FREM2: variants seen among roughly 807,000 people sequenced by gnomAD.
FREM2 encodes the protein FRAS1 related extracellular matrix 2.
In FREM2, 119 loss-of-function variants were observed where a neutral mutation model predicts 219.9. The observed-to-expected ratio is 0.54, with a 90% CI of 0.47 to 0.63. The LOEUF (loss-of-function observed/expected upper bound fraction) is 0.63, where lower values mean the gene tolerates loss of function less well. Among genes scored for constraint, FREM2 ranks in the 30% least tolerant of loss-of-function variants. The pLI, the probability that FREM2 is intolerant of heterozygous loss-of-function variation, is 0.00. For synonymous variants in FREM2, 1,562 were observed against 1,522.8 expected (o/e 1.03, Z -0.60); for missense variants, 4,030 against 3,993.6 (o/e 1.01, Z -0.25).
chr13:38,833,960 C>T lies in FREM2; in HGVS notation c.6020-12613C>T, dbSNP rs532478659. On this transcript the variant is annotated intron_variant, in intron 6 of 23. Coordinates refer to ENST00000280481, the MANE Select transcript of FREM2 (RefSeq NM_207361.6). ...TGAGCACAGTCCTCTTTTTGCTTATCGAGTATATTAACAGGAGAGGAAAAA... is the reference window on the plus strand; with the variant it reads ...TGAGCACAGTCCTCTTTTTGCTTATTGAGTATATTAACAGGAGAGGAAAAA... Among the ~76,000 whole-genome samples, 41 of 152,050 alleles carry T rather than the reference C, an allele frequency of 2.7e-4. No homozygotes were observed. In the South Asian group the frequency reaches 6.6e-3, roughly 25 times the overall value.
chr13:38,880,244 G>A (rs757710841), intron 23 of FREM2, 40 bp from the exon 24 acceptor site: 5 of 1,592,506 alleles, frequency 3.1e-6, no homozygotes, highest in South Asian at 1.1e-5. Context: ...GATTGACATG[G>A]TATCTAGTAT....
intron 2 of FREM2, among the ~76,000 whole-genome samples, chr13:38,757,178 A>C (rs1220793538): frequency 6.6e-6 from 1 of 152,194 alleles, no homozygotes; most frequent in Non-Finnish European, 1.5e-5. Flanking sequence ...ACTTGTGTAC[A>C]AATACCCATT....
chr13:38,843,347 C>T (rs1877031540), intron 6 of FREM2, among the ~76,000 whole-genome samples: 1 of 151,922 alleles, frequency 6.6e-6, no homozygotes, highest in African/African-American at 2.4e-5. Context: ...TTCTAGTTTA[C>T]TTCAAATTGT....
In FREM2 at chr13:38,762,448, T is replaced by C. The variant is rs1873264056; in HGVS notation, c.5264-1856T>C. Reference sequence around the variant, plus strand: ...CACAAAATTCCTGCTCTCCAATCTTTTTTTTTTTGAGACAGAGTTTCACTC... The same window carrying C: ...CACAAAATTCCTGCTCTCCAATCTTCTTTTTTTTGAGACAGAGTTTCACTC... On this transcript the variant is annotated intron_variant, in intron 2 of 23. Coordinates refer to ENST00000280481, the MANE Select transcript of FREM2 (RefSeq NM_207361.6). Among the ~76,000 whole-genome samples, 3 of 151,742 alleles carry C rather than the reference T, an allele frequency of 2.0e-5. No individual in the cohort carries two copies. The South Asian group carries it at 6.3e-4, about 32-fold the overall frequency.
chr13:38,848,538 A>G lies in FREM2; in HGVS notation c.6247A>G (p.Ile2083Val). 3 of 1,614,102 alleles carry G rather than the reference A, an allele frequency of 1.9e-6. No individual in the cohort carries two copies. Among genetic ancestry groups the G allele is most frequent in the Non-Finnish European group, 2.5e-6 (3 of 1,179,976 alleles). ...GVNMQPVRVV[I>V]LDDLGQPALE... is the part of the protein sequence containing the mutation. ...CAACATGCAGCCTGTTCGTGTTGTC[A>G]TTCTGGATGACCTTGGACAACCAGC... The change falls in exon 8 of 24, where the codon ATT becomes GTT. Residue 2083 changes from isoleucine to valine, a missense_variant. Transcript: ENST00000280481.
intron 6 of FREM2, among the ~76,000 whole-genome samples, chr13:38,821,098 G>A (rs1876028815): frequency 1.3e-5 from 2 of 152,056 alleles, no homozygotes; most frequent in African/African-American, 4.8e-5. Context: ...GAGTCCTTAT[G>A]GTGTCCCTAT....
chr13:38,687,780 C>G lies in FREM2; in HGVS notation c.436C>G (p.Pro146Ala). 2 of 1,537,652 alleles carry G rather than the reference C, an allele frequency of 1.3e-6. No homozygotes were observed. Among genetic ancestry groups the G allele is most frequent in the Non-Finnish European group, 1.8e-6 (2 of 1,138,346 alleles). Residue 146 changes from proline to alanine, a missense_variant, in exon 1 of 24, where the codon CCG becomes GCG. Around this residue, in one of 2 missense-constraint regions of FREM2, gnomAD observed 3,102 missense variants for 2,950.7 expected, o/e 1.05. Coordinates refer to ENST00000280481, the MANE Select transcript of FREM2 (RefSeq NM_207361.6). ...VRYSHLGARSPSRDRVRLQLR... is the reference protein window; with the variant it reads ...VRYSHLGARSASRDRVRLQLR... ...CTACTCTCACCTGGGCGCGCGCAGC[C>G]CGTCTCGGGACCGCGTCCGGCTGCA...
rs575981286 is a variant in FREM2 at position 38,886,532 on chromosome 13, G to A, written c.*5745G>A. 2 of 152,096 alleles carry A rather than the reference G, an allele frequency of 1.3e-5. No individual in the cohort carries two copies. The highest frequency in any genetic ancestry group is 6.6e-5 in the Admixed American group (1 of 15,256). 9.4% of individuals were successfully genotyped at this position (152,096 alleles called of 1,614,324 possible). On this transcript the variant is annotated 3_prime_UTR_variant, in exon 24 of 24. Transcript: ENST00000280481. ...CCTGCCTCAACCTCCTGAGTAGCTG[G>A]AATTACAGGTGCCCACTACCATGCC...
At chr13:38,868,894 C>G (rs144796584) in intron 16 of FREM2, among the ~76,000 whole-genome samples, 27 of 152,340 alleles carry the variant, frequency 1.8e-4, no homozygotes, top group African/African-American at 6.5e-4. Context: ...AAACCATCAG[C>G]ACAGACTCCA....
At chr13:38,877,321 G>C in intron 21 of FREM2, 78 bp downstream of exon 21, 1 of 1,480,246 alleles carries the variant, frequency 6.8e-7, no homozygotes, top group Non-Finnish European at 9.4e-7. Flanking sequence ...GATTGTGTTT[G>C]AGGGGGCAAA....
chr13:38,752,582 T>C (rs1872822514), intron 2 of FREM2, among the ~76,000 whole-genome samples: 1 of 152,212 alleles, frequency 6.6e-6, no homozygotes, highest in African/African-American at 2.4e-5. Flanking sequence ...ATTTAAGTTT[T>C]GGTAATAATG....
rs1488694637 is a variant in FREM2, at chr13:38,884,805, A to T, written c.*4018A>T. The T allele has an allele frequency of 6.6e-6, 1 of 152,152 alleles. No individual in the cohort carries two copies. The highest frequency in any genetic ancestry group is 1.5e-5 in the Non-Finnish European group (1 of 68,010). 9.4% of individuals were successfully genotyped at this position (152,152 alleles called of 1,614,324 possible). A position where few individuals can be genotyped will look rare whatever the true frequency, so the allele number is the denominator to read the frequency against. On this transcript the variant is annotated 3_prime_UTR_variant, in exon 24 of 24. Coordinates refer to ENST00000280481, the MANE Select transcript of FREM2 (RefSeq NM_207361.6). ...ACACACAGACATAAAATAACCAAAC[A>T]TCTCATTTCTAGGAAAGAGATAACA...
At chr13:38,872,240 A>G (rs1878183922) in intron 16 of FREM2, among the ~76,000 whole-genome samples, 1 of 152,220 alleles carries the variant, frequency 6.6e-6, no homozygotes, top group Admixed American at 6.5e-5. Context: ...TGAAATGTCC[A>G]GGATAGACAA....
At chr13:38,869,648 C>T (rs1040617828) in intron 16 of FREM2, among the ~76,000 whole-genome samples, 4 of 152,080 alleles carry the variant, frequency 2.6e-5, no homozygotes, top group Non-Finnish European at 2.9e-5. Flanking sequence ...AATATAAACA[C>T]AGATAAATAG....
chr13:38,754,632 G>A (rs1832818244), intron 2 of FREM2, among the ~76,000 whole-genome samples: 1 of 152,076 alleles, frequency 6.6e-6, no homozygotes, highest in Non-Finnish European at 1.5e-5. Flanking sequence ...GAGATAATGT[G>A]CGTATTATCA....
At chr13:38,837,775 G>GT (rs1555270912) in intron 6 of FREM2, among the ~76,000 whole-genome samples, 14 of 128,906 alleles carry the variant, frequency 1.1e-4, no homozygotes, top group African/African-American at 3.5e-4. Flanking sequence ...GTTTTTTTTT[G>GT]TTTTGTTTTG....
chr13:38,878,755 A>AAATAGAG, intron 22 of FREM2, 76 bp from the exon 23 acceptor site: 2 of 1,402,192 alleles, frequency 1.4e-6, no homozygotes, highest in East Asian at 4.6e-5. Context: ...TGCACAAAAC[A>AAATAGAG]AATAGAGAAA....
chr13:38,871,746 G>A (rs1878166714), intron 16 of FREM2, among the ~76,000 whole-genome samples: 1 of 152,074 alleles, frequency 6.6e-6, no homozygotes, highest in Non-Finnish European at 1.5e-5. Flanking sequence ...TTATGGTGGA[G>A]AGTGAAAATA....
chr13:38,834,523 C>A (rs1490898892), intron 6 of FREM2, among the ~76,000 whole-genome samples: 1 of 152,192 alleles, frequency 6.6e-6, no homozygotes. Context: ...GAGGAATCAC[C>A]ACACTGGCTT....
Sources: gnomAD v4.1 joint callset for allele counts (sites outside exome capture counted in the v4.1 genomes callset) on GRCh38, gnomAD v4.1.1 for gene constraint, gnomAD v4.1.1 regional missense constraint, MANE v1.5 for transcripts, NCBI Gene and HGNC (gene_info 2026-07-23, HGNC 2026-07-21) for gene names.